The following ANKRD55 variants were observed in gnomAD, a reference collection of about 807,000 sequenced individuals.
The protein encoded by ANKRD55 is ankyrin repeat domain 55, also known as ankyrin repeat domain-containing protein 55.
Under a neutral mutation model 60.6 loss-of-function variants are expected in ANKRD55, and 41 were observed. The observed-to-expected ratio is 0.68, with a 90% CI of 0.53 to 0.88. The LOEUF is 0.88. ANKRD55 is among the 40% of genes least tolerant of loss of function. The probability of loss-of-function intolerance (pLI) is 0.00; values close to 1 mark genes in which losing one functional copy is unlikely to be tolerated. For synonymous variants in ANKRD55, 264 were observed against 290.3 expected (o/e 0.91, Z 0.92); for missense variants, 732 against 767.6 (o/e 0.95, Z 0.55).
At chr5:56,137,596 A>G in intron 7 of ANKRD55, 1 of 643,886 alleles carries the variant, frequency 1.6e-6, no homozygotes, top group South Asian at 1.7e-5. Context: ...AGGAGATAAC[A>G]GGAGCAAAAT....
intron 7 of ANKRD55, among the ~76,000 whole-genome samples, chr5:56,135,432 C>A (rs1222432139): frequency 1.3e-5 from 2 of 150,724 alleles, no homozygotes; most frequent in South Asian, 4.2e-4. Context: ...TGCAGTGGTG[C>A]GATCTTGGCT....
At chr5:56,135,405 T>C (rs1023971556) in intron 7 of ANKRD55, among the ~76,000 whole-genome samples, 2 of 151,058 alleles carry the variant, frequency 1.3e-5, no homozygotes, top group Non-Finnish European at 2.9e-5. Flanking sequence ...GGTCTCACTC[T>C]GTTGCTCAGG....
intron 10 of ANKRD55, among the ~76,000 whole-genome samples, chr5:56,106,830 A>T (rs976366034): frequency 6.6e-6 from 1 of 151,822 alleles, no homozygotes; most frequent in Non-Finnish European, 1.5e-5. Context: ...ACAAAGTGAG[A>T]CCCTTGTCTC....
chr5:56,217,684 G>A (rs1468978497), intron 2 of ANKRD55, among the ~76,000 whole-genome samples: 1 of 152,120 alleles, frequency 6.6e-6, no homozygotes, highest in Non-Finnish European at 1.5e-5. Flanking sequence ...CATGAAGTCA[G>A]GAGATTGAGA....
intron 6 of ANKRD55, among the ~76,000 whole-genome samples, chr5:56,159,216 C>A (rs2111791549): frequency 6.6e-6 from 1 of 152,310 alleles, no homozygotes; most frequent in Middle Eastern, 3.4e-3. Context: ...AATCCCAGCA[C>A]TTTGGGAGGC....
intron 7 of ANKRD55, among the ~76,000 whole-genome samples, chr5:56,137,882 A>G (rs983251399): frequency 6.6e-6 from 1 of 152,212 alleles, no homozygotes. Context: ...TAGATAGCTC[A>G]CAAAGAAAAT....
Position 56,149,556 on chromosome 5 carries a change from A to G in ANKRD55, c.484-5627T>C, listed in dbSNP as rs80043350. Among the ~76,000 whole-genome samples the G allele has an allele frequency of 1.7e-3, 258 of 152,336 alleles. 1 individual carries two copies. Among genetic ancestry groups the G allele is most frequent in the African/African-American group, 6.0e-3 (248 of 41,572 alleles). Reference sequence around the variant, plus strand: ...AATTTTCAACAAAAAAAGAACATCTACATTCTTCTGCACTAAACTGTGAAC... The same window carrying G: ...AATTTTCAACAAAAAAAGAACATCTGCATTCTTCTGCACTAAACTGTGAAC... On this transcript the variant is annotated intron_variant, in intron 6 of 11. Coordinates refer to ENST00000341048, the MANE Select transcript of ANKRD55 (RefSeq NM_024669.3).
In ANKRD55 at chr5:56,176,276, G is replaced by A. The variant is rs917684028; in HGVS notation, c.188C>T (p.Thr63Met). The A allele has an allele frequency of 4.3e-6, 7 of 1,614,024 alleles. No individual in the cohort carries two copies. The highest frequency in any genetic ancestry group is 2.7e-5 in the African/African-American group (2 of 74,906). Residue 63 changes from threonine to methionine, a missense_variant, in exon 4 of 12, where the codon ACG (threonine) becomes ATG (methionine). Thr to Met is a moderately conservative substitution (Grantham distance 81). Transcript: ENST00000341048. ...TCCAGAAACCGCATGCATCAAGGGC[G>A]TGCATCCTGGAATGAGACATTTCAA... ...ILECCDSEGC[T>M]PLMHAVSGRQ...
rs930088083 is a variant in ANKRD55 at position 56,222,002 on chromosome 5, T to A, written c.58+10854A>T. ...TGGCAGCTTTGAAGAGAGTAGTGGT[T>A]CTCCCAGCACGGAGTTTGAGATCTG... On this transcript the variant is annotated intron_variant, in intron 2 of 11. Coordinates refer to ENST00000341048, the MANE Select transcript of ANKRD55 (RefSeq NM_024669.3). 5.9e-5 allele frequency among the ~76,000 whole-genome samples: 9 copies of A among 152,194 alleles called. No individual in the cohort carries two copies. In the East Asian group the frequency reaches 1.7e-3, roughly 29 times the overall value.
chr5:56,168,000 G>C (rs1173927567), intron 5 of ANKRD55, among the ~76,000 whole-genome samples: 1 of 152,200 alleles, frequency 6.6e-6, no homozygotes, highest in African/African-American at 2.4e-5. Flanking sequence ...AATGGGTTAA[G>C]AACAGAGACA....
At chr5:56,140,638 C>T (rs1287024698) in intron 7 of ANKRD55, among the ~76,000 whole-genome samples, 1 of 152,170 alleles carries the variant, frequency 6.6e-6, no homozygotes, top group African/African-American at 2.4e-5. Context: ...CTTATACAAT[C>T]ATGGTCAAAA....
intron 11 of ANKRD55, among the ~76,000 whole-genome samples, chr5:56,102,023 A>G (rs1035894922): frequency 6.6e-6 from 1 of 151,190 alleles, no homozygotes; most frequent in African/African-American, 2.4e-5. Context: ...TAAGCATTTA[A>G]AAAAAAGCTT....
chr5:56,149,227 G>A (rs2111771389), intron 6 of ANKRD55, among the ~76,000 whole-genome samples: 1 of 152,238 alleles, frequency 6.6e-6, no homozygotes, highest in Middle Eastern at 3.4e-3. Context: ...TAGACGGTGA[G>A]CATCACGATA....
rs148131995 is a variant in ANKRD55 at position 56,141,579 on chromosome 5, T to C, written c.612+2222A>G. 1.2e-4 allele frequency among the ~76,000 whole-genome samples: 18 copies of C among 152,108 alleles called. 1 individual carries two copies. In the East Asian group the frequency reaches 3.3e-3, roughly 28 times the overall value. On this transcript the variant is annotated intron_variant, in intron 7 of 11. Transcript: ENST00000341048. Reference sequence around the variant, plus strand: ...TGTGACATTTAGTAGAGACAAAGAGTATGGGAGCTTTCAGGTAGCTGAACA... The same window carrying C: ...TGTGACATTTAGTAGAGACAAAGAGCATGGGAGCTTTCAGGTAGCTGAACA...
chr5:56,217,803 G>A (rs562898624), intron 2 of ANKRD55, among the ~76,000 whole-genome samples: 22 of 152,160 alleles, frequency 1.4e-4, no homozygotes, highest in Non-Finnish European at 2.8e-4. Flanking sequence ...GGCTGAGGCA[G>A]GAGAATGGCA....
chr5:56,196,479 A>C (rs560500809), intron 2 of ANKRD55, among the ~76,000 whole-genome samples: 29 of 152,174 alleles, frequency 1.9e-4, no homozygotes, highest in Non-Finnish European at 3.2e-4. Context: ...TTAATGCTCA[A>C]AATTTGGGTG....
intron 2 of ANKRD55, among the ~76,000 whole-genome samples, chr5:56,211,099 G>A (rs1318886408): frequency 6.6e-6 from 1 of 152,100 alleles, no homozygotes; most frequent in Non-Finnish European, 1.5e-5. Flanking sequence ...TAAGTCTTGT[G>A]GTAGGTCCCC....
chr5:56,121,883 A>G (rs1163487056), intron 8 of ANKRD55, among the ~76,000 whole-genome samples: 1 of 152,196 alleles, frequency 6.6e-6, no homozygotes. Context: ...CTGTGAGTAG[A>G]AATAAGAATT....
rs369215293 is a variant in ANKRD55, at chr5:56,184,752, G to C, written c.59-1118C>G. Among the ~76,000 whole-genome samples, 192 of 152,128 alleles carry C rather than the reference G, an allele frequency of 1.3e-3. 1 individual carries two copies. The South Asian group carries it at 0.016, about 13-fold the overall frequency. On this transcript the variant is annotated intron_variant, in intron 2 of 11. Coordinates refer to ENST00000341048, the MANE Select transcript of ANKRD55 (RefSeq NM_024669.3). ...CTCTCTACAAAAAATTTAAAAATTA[G>C]CTGGGCATTGTGGTGGGTACCTGTA...
Sources: allele counts gnomAD v4.1 joint callset (sites outside exome capture counted in the v4.1 genomes callset), GRCh38; gene constraint gnomAD v4.1.1; transcripts MANE v1.5; gene names NCBI Gene and HGNC (gene_info 2026-07-23, HGNC 2026-07-21).